HDAC9: variants seen among roughly 807,000 people sequenced by gnomAD.
HDAC9 encodes histone deacetylase 9.
A neutral mutation model predicts 139.4 loss-of-function variants in HDAC9; 41 were observed. The observed-to-expected ratio is 0.29, with a 90% CI of 0.23 to 0.38. The LOEUF is 0.38. HDAC9 is among the 10% of genes least tolerant of loss of function. HDAC9 has a pLI of 1.00. For synonymous variants in HDAC9, 517 were observed against 476.2 expected, an observed-to-expected ratio of 1.09 and a Z score of -1.12; for missense variants, 1,147 against 1,297.0, an observed-to-expected ratio of 0.88 and a Z score of 1.78.
chr7:18,774,829 C>T (rs941516417), intron 16 of HDAC9, among the ~76,000 whole-genome samples: 1 of 152,030 alleles, frequency 6.6e-6, no homozygotes, highest in East Asian at 1.9e-4. Context: ...TTTTCCTTTG[C>T]ATTCACAACT....
intron 16 of HDAC9, among the ~76,000 whole-genome samples, chr7:18,781,025 G>C (rs1187186256): frequency 1.3e-5 from 2 of 152,002 alleles, no homozygotes; most frequent in African/African-American, 2.4e-5. Context: ...AATGTTGGCA[G>C]ATTTGATTTC....
chr7:18,733,123 A>ACG (rs1491364279), intron 13 of HDAC9, among the ~76,000 whole-genome samples: 2 of 143,336 alleles, frequency 1.4e-5, no homozygotes, highest in Non-Finnish European at 3.0e-5. Context: ...ATGTGTATAC[A>ACG]TGTATATATA....
At chr7:18,773,469 A>T (rs1267670841) in intron 16 of HDAC9, among the ~76,000 whole-genome samples, 1 of 151,850 alleles carries the variant, frequency 6.6e-6, no homozygotes, top group Non-Finnish European at 1.5e-5. Context: ...AACGATTATG[A>T]ACATTGAGAC....
chr7:18,593,757 C>T, intron 5 of HDAC9, 151 bp from the exon 6 acceptor site: 3 of 737,946 alleles, frequency 4.1e-6, no homozygotes, highest in Non-Finnish European at 6.9e-6. Flanking sequence ...CTACAGTGAA[C>T]TTGGTTATGT....
At chr7:18,538,530 A>G (rs1253972445) in intron 2 of HDAC9, among the ~76,000 whole-genome samples, 1 of 152,188 alleles carries the variant, frequency 6.6e-6, no homozygotes, top group Admixed American at 6.5e-5. Context: ...TTACTAACTA[A>G]TAGCTATTTA....
At chr7:18,874,790 G>GTT (rs1365876154) in intron 22 of HDAC9, among the ~76,000 whole-genome samples, 194 bp downstream of exon 22, 2 of 152,124 alleles carry the variant, frequency 1.3e-5, no homozygotes, top group African/African-American at 4.8e-5. Flanking sequence ...CAAAGTTAAA[G>GTT]TGCTTTGTTT....
intron 1 of HDAC9, among the ~76,000 whole-genome samples, chr7:18,308,367 C>G (rs1402606130): frequency 1.3e-5 from 2 of 152,162 alleles, no homozygotes; most frequent in African/African-American, 4.8e-5. Flanking sequence ...AAGAAAAGAA[C>G]TTTTCTTTTG....
At chr7:18,972,201 A>C (rs980402829) in intron 24 of HDAC9, among the ~76,000 whole-genome samples, 2 of 152,166 alleles carry the variant, frequency 1.3e-5, no homozygotes, top group Non-Finnish European at 2.9e-5. Flanking sequence ...AAGGACCACG[A>C]TAAGTGAGAA....
intron 22 of HDAC9, among the ~76,000 whole-genome samples, chr7:18,875,118 AC>A (rs2129247809): frequency 6.6e-6 from 1 of 152,258 alleles, no homozygotes; most frequent in Non-Finnish European, 1.5e-5. Context: ...GCAAAGTTGG[AC>A]TTTTTGGCTG....
intron 2 of HDAC9, among the ~76,000 whole-genome samples, chr7:18,538,666 T>C (rs1328529968): frequency 6.6e-6 from 1 of 152,200 alleles, no homozygotes; most frequent in Non-Finnish European, 1.5e-5. Context: ...ATGGATAAAT[T>C]ATGCTTGCAA....
chr7:18,322,248 G>A (rs1800085176), intron 1 of HDAC9, among the ~76,000 whole-genome samples: 1 of 152,194 alleles, frequency 6.6e-6, no homozygotes, highest in Non-Finnish European at 1.5e-5. Flanking sequence ...ATGAATGTGA[G>A]CATCACAATT....
At chr7:18,755,332 C>A (rs1045811780) in intron 14 of HDAC9, among the ~76,000 whole-genome samples, 2 of 152,096 alleles carry the variant, frequency 1.3e-5, no homozygotes, top group Non-Finnish European at 2.9e-5. Context: ...ATGTGGAAAA[C>A]AACCAACAAA....
chr7:18,608,208 A>G (rs2128897577), intron 6 of HDAC9, among the ~76,000 whole-genome samples: 1 of 152,114 alleles, frequency 6.6e-6, no homozygotes, highest in Non-Finnish European at 1.5e-5. Flanking sequence ...TTGGGATTGT[A>G]TTTTCCTTAA....
chr7:18,393,591 A>G (rs1786744430), intron 1 of HDAC9, among the ~76,000 whole-genome samples: 1 of 152,126 alleles, frequency 6.6e-6, no homozygotes, highest in Non-Finnish European at 1.5e-5. Context: ...ACTCATCTGG[A>G]GTCGATTTTT....
chr7:18,700,500 T>C (rs113676055), intron 12 of HDAC9, among the ~76,000 whole-genome samples: 2,579 of 152,304 alleles, frequency 0.017, 31 homozygotes, highest in Non-Finnish European at 0.025. Context: ...TTGGTAACAG[T>C]TTTCAGTCAC....
intron 23 of HDAC9, among the ~76,000 whole-genome samples, chr7:18,941,160 T>C (rs932462123): frequency 2.7e-5 from 1 of 37,488 alleles, no homozygotes; most frequent in African/African-American, 7.5e-5. Flanking sequence ...TTGTCTCTTC[T>C]TTTTTTTTTC....
chr7:18,977,822 ACTCC>A (rs1461349027), intron 25 of HDAC9, among the ~76,000 whole-genome samples: 1 of 151,344 alleles, frequency 6.6e-6, no homozygotes, highest in East Asian at 1.9e-4. Context: ...TTTGAACTGA[ACTCC>A]CTTTTTCAGC....
intron 1 of HDAC9, among the ~76,000 whole-genome samples, chr7:18,089,479 T>C (rs1782011067): frequency 6.6e-6 from 1 of 151,936 alleles, no homozygotes; most frequent in South Asian, 2.1e-4. Flanking sequence ...TGCCACTATA[T>C]ATAAATAATT....
chr7:18,830,553 C>A (rs1192226979), intron 19 of HDAC9, among the ~76,000 whole-genome samples: 1 of 152,146 alleles, frequency 6.6e-6, no homozygotes, highest in Non-Finnish European at 1.5e-5. Flanking sequence ...GCCTTCGAAT[C>A]CAGTTAAGCA....
Sources: gnomAD v4.1 joint callset for allele counts (sites outside exome capture counted in the v4.1 genomes callset) on GRCh38, gnomAD v4.1.1 for gene constraint, MANE v1.5 for transcripts, NCBI Gene and HGNC (gene_info 2026-07-23, HGNC 2026-07-21) for gene names.